ZFPM2: variants seen among roughly 807,000 people sequenced by gnomAD.
The protein encoded by ZFPM2 is zinc finger protein ZFPM2.
Under a neutral mutation model 98.6 loss-of-function variants are expected in ZFPM2, and 20 were observed. The ratio of observed to expected loss-of-function variants is 0.20; its 90% CI spans 0.14 to 0.29. The LOEUF (loss-of-function observed/expected upper bound fraction) is 0.29, where lower values mean the gene tolerates loss of function less well. ZFPM2 is among the 10% of genes least tolerant of loss of function. ZFPM2 has a pLI of 1.00. For missense variants in ZFPM2, 1,310 were observed against 1,388.6 expected (o/e 0.94, Z 0.90); for synonymous variants, 518 against 502.7 (o/e 1.03, Z -0.41).
intron 5 of ZFPM2, among the ~76,000 whole-genome samples, chr8:105,774,678 AACCTTTAT>A: frequency 6.6e-6 from 1 of 152,178 alleles, no homozygotes; most frequent in East Asian, 1.9e-4. Context: ...AAACTTAGTA[AACCTTTAT>A]GAAGGCATAA....
chr8:105,445,391 A>C (rs888000893), intron 3 of ZFPM2, among the ~76,000 whole-genome samples: 1 of 152,180 alleles, frequency 6.6e-6, no homozygotes, highest in Admixed American at 6.6e-5. Context: ...TCAAAAATGT[A>C]TTATATTTAA....
chr8:105,652,703 A>G (rs764074507), intron 5 of ZFPM2, among the ~76,000 whole-genome samples: 3 of 152,178 alleles, frequency 2.0e-5, no homozygotes, highest in Non-Finnish European at 4.4e-5. Context: ...TCAGAGGTAC[A>G]TTATAAAAAT....
At chr8:105,510,012 G>GATAT (rs10651009) in intron 3 of ZFPM2, among the ~76,000 whole-genome samples, 6 of 151,682 alleles carry the variant, frequency 4.0e-5, no homozygotes, top group South Asian at 2.1e-4. Context: ...CTACACATCA[G>GATAT]ATATATATAT....
chr8:105,492,355 G>C, intron 3 of ZFPM2, among the ~76,000 whole-genome samples: 1 of 152,006 alleles, frequency 6.6e-6, no homozygotes, highest in East Asian at 1.9e-4. Flanking sequence ...CTCCACTAAA[G>C]GTAATTGCTG....
intron 3 of ZFPM2, among the ~76,000 whole-genome samples, chr8:105,543,194 C>T (rs373125849): frequency 1.2e-4 from 18 of 152,208 alleles, no homozygotes; most frequent in Admixed American, 4.6e-4. Context: ...TTAAGAGAAG[C>T]GAAATACAAG....
Position 105,746,654 on chromosome 8 carries a change from A to ATTTTTTTTTTTTT in ZFPM2, c.533-42064_533-42063insTTTTTTTTTTTTT, listed in dbSNP as rs1563546914. 3.6e-5 allele frequency among the ~76,000 whole-genome samples: 4 copies of ATTTTTTTTTTTTT among 112,052 alleles called. 2 individuals are homozygous for ATTTTTTTTTTTTT. The highest frequency in any genetic ancestry group is 6.4e-5 in the African/African-American group (2 of 31,218). The allele number at this position is 112,052 out of a possible 152,430, so 73.5% of individuals were successfully genotyped here. On this transcript the variant is annotated intron_variant, in intron 5 of 7. Coordinates refer to ENST00000407775, the MANE Select transcript of ZFPM2 (RefSeq NM_012082.4). ...TGCGTTTTCTTGTTCTGTTTTTAAAAATTTTTTTTTTTTTTTTTTTTTTGG... is the reference window on the plus strand; with the variant it reads ...TGCGTTTTCTTGTTCTGTTTTTAAAATTTTTTTTTTTTTATTTTTTTTTTTTTTTTTTTTTTGG...
intron 3 of ZFPM2, among the ~76,000 whole-genome samples, chr8:105,490,535 C>T (rs1002744966): frequency 1.3e-5 from 2 of 152,154 alleles, no homozygotes; most frequent in African/African-American, 4.8e-5. Context: ...AAAGGTATAA[C>T]TATGTTTACA....
chr8:105,656,848 A>G lies in ZFPM2; in HGVS notation c.532+22491A>G, dbSNP rs1322972634. Reference sequence around the variant, plus strand: ...TATTCTGATTCCTGATTCTGATTCCAGTATATAGAATACTTGATTCTAGAA... The same window carrying G: ...TATTCTGATTCCTGATTCTGATTCCGGTATATAGAATACTTGATTCTAGAA... On this transcript the variant is annotated intron_variant, in intron 5 of 7. Transcript: ENST00000407775. Among the ~76,000 whole-genome samples, 5 of 152,334 alleles carry G rather than the reference A, an allele frequency of 3.3e-5. No homozygotes were observed. The South Asian group carries it at 6.2e-4, about 19-fold the overall frequency.
rs550108002 is a variant in ZFPM2 at position 105,487,920 on chromosome 8, A to G, written c.301+43539A>G. Among the ~76,000 whole-genome samples the G allele has an allele frequency of 3.8e-4, 38 of 100,100 alleles. No homozygotes were observed. In the South Asian group the frequency reaches 0.013, roughly 35 times the overall value. The allele number at this position is 100,100 out of a possible 152,430, so 65.7% of individuals were successfully genotyped here. A position where few individuals can be genotyped will look rare whatever the true frequency, so the allele number is the denominator to read the frequency against. ...TATCTATCTATCTATCTATCTATCT[A>G]TCTATCTATCTAGCTAGCTAGCTAG... On this transcript the variant is annotated intron_variant, in intron 3 of 7. Transcript: ENST00000407775.
At chr8:105,587,278 G>GAAAA (rs1217188691) in intron 4 of ZFPM2, among the ~76,000 whole-genome samples, 5 of 51,946 alleles carry the variant, frequency 9.6e-5, no homozygotes, top group Non-Finnish European at 1.5e-4. Flanking sequence ...CTCTGTCTCA[G>GAAAA]AAAAAAAAAA....
At chr8:105,645,634 C>T (rs950378248) in intron 5 of ZFPM2, among the ~76,000 whole-genome samples, 1 of 152,170 alleles carries the variant, frequency 6.6e-6, no homozygotes, top group Non-Finnish European at 1.5e-5. Flanking sequence ...ACCATTCTAA[C>T]AGGCTGGGAA....
intron 2 of ZFPM2, among the ~76,000 whole-genome samples, chr8:105,441,742 AC>A (rs1156358242): frequency 6.6e-6 from 1 of 152,234 alleles, no homozygotes; most frequent in Admixed American, 6.5e-5. Context: ...TTCAAAGACT[AC>A]TGGTATGGCC....
chr8:105,320,076 A>G (rs1811992059), intron 1 of ZFPM2, among the ~76,000 whole-genome samples: 1 of 152,174 alleles, frequency 6.6e-6, no homozygotes, highest in South Asian at 2.1e-4. Flanking sequence ...ATTATGATGT[A>G]ATTTAAGGAT....
At chr8:105,743,792 A>G (rs970372211) in intron 5 of ZFPM2, among the ~76,000 whole-genome samples, 9 of 152,090 alleles carry the variant, frequency 5.9e-5, no homozygotes, top group Admixed American at 4.6e-4. Context: ...TGAACACATC[A>G]TAATGCTGTC....
intron 1 of ZFPM2, among the ~76,000 whole-genome samples, chr8:105,412,855 G>C (rs12549007): frequency 0.12 from 18,123 of 151,704 alleles, 1,561 homozygotes; most frequent in East Asian, 0.45. Flanking sequence ...AGCATTTTGA[G>C]GTGTGCCTAC....
intron 5 of ZFPM2, among the ~76,000 whole-genome samples, chr8:105,644,153 A>G (rs68054037): frequency 0.2 from 30,321 of 151,818 alleles, 3,027 homozygotes; most frequent in South Asian, 0.25. Context: ...TTCTCTTTCC[A>G]TTGCTCTTTA....
chr8:105,437,063 ATTCT>A lies in ZFPM2; in HGVS notation c.200-7210_200-7207del, dbSNP rs1256914063. Among the ~76,000 whole-genome samples the A allele has an allele frequency of 2.0e-5, 3 of 152,000 alleles. No homozygotes were observed. The South Asian group carries it at 6.2e-4, about 31-fold the overall frequency. On this transcript the variant is annotated intron_variant, in intron 2 of 7. Coordinates refer to ENST00000407775, the MANE Select transcript of ZFPM2 (RefSeq NM_012082.4). ...TAGTCATCTTTCTTTTTTTATTTGC[ATTCT>A]TTCTTTAAGAAAAGATTAAATAATT...
chr8:105,671,130 TTAAAGA>T (rs1817585961), intron 5 of ZFPM2, among the ~76,000 whole-genome samples: 1 of 152,044 alleles, frequency 6.6e-6, no homozygotes, highest in Non-Finnish European at 1.5e-5. Flanking sequence ...AAATAGTGGC[TTAAAGA>T]TAAATATTTT....
chr8:105,478,139 C>T (rs923985526), intron 3 of ZFPM2, among the ~76,000 whole-genome samples: 21 of 152,146 alleles, frequency 1.4e-4, no homozygotes, highest in African/African-American at 4.8e-4. Flanking sequence ...ATCTTAAATG[C>T]GGCTGACCAC....
Sources: gnomAD v4.1 joint callset for allele counts (sites outside exome capture counted in the v4.1 genomes callset) on GRCh38, gnomAD v4.1.1 for gene constraint, MANE v1.5 for transcripts, NCBI Gene and HGNC (gene_info 2026-07-23, HGNC 2026-07-21) for gene names.